The following RAB38 variants were observed in gnomAD, a reference collection of about 807,000 sequenced individuals.
RAB38 encodes the protein ras-related protein Rab-38.
Under a neutral mutation model 18.4 loss-of-function variants are expected in RAB38, and 15 were observed. The observed-to-expected ratio is 0.82, with a 90% confidence interval of 0.55 to 1.26. The LOEUF is 1.26. Ranked by LOEUF, RAB38 falls within the 50% of genes most tolerant of loss-of-function variation. The pLI is 0.00. For synonymous variants in RAB38, 101 were observed against 104.4 expected, an observed-to-expected ratio of 0.97 and a Z score of 0.20; for missense variants, 294 against 267.4, an observed-to-expected ratio of 1.10 and a Z score of -0.69.
chr11:88,026,550 G>C, the RAB38 span, among the ~76,000 whole-genome samples: 4 of 122,350 alleles, frequency 3.3e-5, no homozygotes, highest in African/African-American at 9.5e-5. Flanking sequence ...GCTACAGAGC[G>C]AGACTCTGTC....
At chr11:87,844,724 C>G in the RAB38 span, among the ~76,000 whole-genome samples, 1 of 152,168 alleles carries the variant, frequency 6.6e-6, no homozygotes, top group South Asian at 2.1e-4. Flanking sequence ...AGTAATAGTT[C>G]ACTTTCACCC....
the RAB38 span, among the ~76,000 whole-genome samples, chr11:87,810,546 AT>A: frequency 6.6e-6 from 1 of 152,232 alleles, no homozygotes; most frequent in Non-Finnish European, 1.5e-5. Flanking sequence ...CAGTAAAAAA[AT>A]AAGGAAGAAT....
At chr11:87,970,503 C>A in the RAB38 span, among the ~76,000 whole-genome samples, 1 of 152,056 alleles carries the variant, frequency 6.6e-6, no homozygotes, top group African/African-American at 2.4e-5. Context: ...CCGAGTGCCT[C>A]ACATACCTCC....
At chr11:87,835,763 A>C in the RAB38 span, among the ~76,000 whole-genome samples, 1 of 152,162 alleles carries the variant, frequency 6.6e-6, no homozygotes, top group African/African-American at 2.4e-5. Flanking sequence ...ACCTCTGCCA[A>C]CACCTTTATC....
the RAB38 span, among the ~76,000 whole-genome samples, chr11:88,082,401 A>C: frequency 1.3e-5 from 2 of 151,950 alleles, no homozygotes; most frequent in African/African-American, 4.8e-5. Context: ...CTGAGCAGAA[A>C]ATGTCAGCCT....
At chr11:88,076,986 A>AAG in the RAB38 span, among the ~76,000 whole-genome samples, 1 of 85,574 alleles carries the variant, frequency 1.2e-5, no homozygotes, top group Non-Finnish European at 2.5e-5. Flanking sequence ...GAAAGAAAGA[A>AAG]AGAAAAGAAA....
the RAB38 span, among the ~76,000 whole-genome samples, chr11:88,066,307 C>T: frequency 6.6e-6 from 1 of 152,096 alleles, no homozygotes; most frequent in Non-Finnish European, 1.5e-5. Context: ...TTCCAGTGTT[C>T]TTGGAAATGC....
At chr11:88,140,692 T>C (rs1330363746) in intron 2 of RAB38, among the ~76,000 whole-genome samples, 1 of 152,084 alleles carries the variant, frequency 6.6e-6, no homozygotes, top group East Asian at 1.9e-4. Context: ...CAAGGTGTGA[T>C]GGGAGACTTG....
chr11:88,173,569 T>C lies in RAB38; in HGVS notation c.202+1614A>G, dbSNP rs917805311. 5.1e-6 allele frequency: 5 copies of C among 985,452 alleles called. No individual in the cohort carries two copies. The South Asian group carries it at 1.4e-4, about 28-fold the overall frequency. 61.0% of individuals were successfully genotyped at this position (985,452 alleles called of 1,614,324 possible). ...TAGAACTTCTCTGCTGTCATGCTGTTACCTGGATTGTACACAGAAGTCCAA... is the reference window on the plus strand; with the variant it reads ...TAGAACTTCTCTGCTGTCATGCTGTCACCTGGATTGTACACAGAAGTCCAA... On this transcript the variant is annotated intron_variant, in intron 1 of 2. Transcript: ENST00000243662.
chr11:88,168,550 G>A (rs538337297), intron 1 of RAB38, among the ~76,000 whole-genome samples: 5 of 152,206 alleles, frequency 3.3e-5, no homozygotes, highest in Middle Eastern at 3.4e-3. Context: ...CTAAAAGTCC[G>A]TAAGAGCAAA....
the RAB38 span, among the ~76,000 whole-genome samples, chr11:87,948,881 T>TATC: frequency 6.6e-6 from 1 of 151,678 alleles, no homozygotes; most frequent in South Asian, 2.1e-4. Context: ...CCGGCTTTGG[T>TATC]ATCAGGATGA....
chr11:87,893,271 CT>C, the RAB38 span, among the ~76,000 whole-genome samples: 19 of 135,326 alleles, frequency 1.4e-4, no homozygotes, highest in Non-Finnish European at 3.0e-4. Context: ...GACTTGTGTC[CT>C]TTTTTTCCAG....
the RAB38 span, among the ~76,000 whole-genome samples, chr11:87,897,216 C>T: frequency 2.0e-5 from 3 of 151,672 alleles, no homozygotes; most frequent in African/African-American, 7.2e-5. Context: ...GTAACCTCTC[C>T]TATATTCCTA....
chr11:87,832,128 A>G, the RAB38 span, among the ~76,000 whole-genome samples: 1 of 152,188 alleles, frequency 6.6e-6, no homozygotes, highest in South Asian at 2.1e-4. Flanking sequence ...TTTGCAGTAA[A>G]ATACTTGTTG....
At chr11:88,023,464 C>T in the RAB38 span, among the ~76,000 whole-genome samples, 1 of 151,860 alleles carries the variant, frequency 6.6e-6, no homozygotes, top group Admixed American at 6.6e-5. Context: ...GTTAAACTGT[C>T]CATATTACCC....
At chr11:87,899,959 GT>G in the RAB38 span, among the ~76,000 whole-genome samples, 2,899 of 147,562 alleles carry the variant, frequency 0.02, 99 homozygotes, top group African/African-American at 0.066. Context: ...TACTCCTTCC[GT>G]TTTTTTTTTC....
the RAB38 span, among the ~76,000 whole-genome samples, chr11:87,900,661 TAGGAAGGAAGGAAGGAAGGA>T: frequency 4.2e-4 from 55 of 131,304 alleles, no homozygotes; most frequent in Admixed American, 1.4e-3. Flanking sequence ...GAAAGAAAGG[TAGGAAGGAAGGAAGGAAGGA>T]AGGAAGGAAG....
At chr11:87,976,119 A>AGTGT in the RAB38 span, among the ~76,000 whole-genome samples, 2 of 136,990 alleles carry the variant, frequency 1.5e-5, no homozygotes, top group African/African-American at 5.1e-5. Flanking sequence ...TGTGCGTGTA[A>AGTGT]ATATATATAT....
chr11:87,855,477 G>A, the RAB38 span, among the ~76,000 whole-genome samples: 1 of 152,138 alleles, frequency 6.6e-6, no homozygotes. Flanking sequence ...GGGAATAAAA[G>A]ACATTTTTTG....
Sources: gnomAD v4.1 joint callset for allele counts (sites outside exome capture counted in the v4.1 genomes callset) on GRCh38, gnomAD v4.1.1 for gene constraint, MANE v1.5 for transcripts, NCBI Gene and HGNC (gene_info 2026-07-23, HGNC 2026-07-21) for gene names.